Variants in ZSCAN5A observed in about 807,000 individuals in gnomAD.
ZSCAN5A encodes zinc finger and SCAN domain-containing protein 5A.
Under a neutral mutation model 23.7 loss-of-function variants are expected in ZSCAN5A, and 12 were observed. That is an observed-to-expected ratio of 0.51 (90% confidence interval 0.32 to 0.82). The LOEUF is 0.82. Among genes scored for constraint, ZSCAN5A ranks in the 40% least tolerant of loss-of-function variants. The pLI is 0.03. For synonymous variants in ZSCAN5A, 257 were observed against 239.9 expected (o/e 1.07, Z -0.66); for missense variants, 597 against 617.9 (o/e 0.97, Z 0.36).
chr19:56,358,082 CACCCA>C (rs745316783), intron 2 of ZSCAN5A, among the ~76,000 whole-genome samples: 4 of 148,830 alleles, frequency 2.7e-5, no homozygotes, highest in Non-Finnish European at 4.5e-5. Flanking sequence ...AATATATATT[CACCCA>C]ATACAGGAGC....
Position 56,309,221 on chromosome 19 carries a change from G to A in ZSCAN5A, c.-128+4062C>T, listed in dbSNP as rs118037419. 4.1e-4 allele frequency among the ~76,000 whole-genome samples: 63 copies of A among 152,328 alleles called. No homozygotes were observed. In the East Asian group the frequency reaches 0.01, roughly 25 times the overall value. On this transcript the variant is annotated intron_variant, in intron 2 of 5. Transcript: ENST00000683990. ...CACAAAAGATCACACAGTAGATGAT[G>A]CCATGTATATGAAACAGACAGATCT...
intron 2 of ZSCAN5A, among the ~76,000 whole-genome samples, chr19:56,248,399 T>C (rs2036106857): frequency 6.6e-6 from 1 of 152,094 alleles, no homozygotes; most frequent in African/African-American, 2.4e-5. Context: ...TAGCTGGGAC[T>C]AGAACACACC....
chr19:56,327,839 G>C (rs551518180), intron 2 of ZSCAN5A, among the ~76,000 whole-genome samples: 1 of 151,948 alleles, frequency 6.6e-6, no homozygotes, highest in African/African-American at 2.4e-5. Context: ...GCATAGTTGT[G>C]TGTTATATGT....
At chr19:56,327,062 T>A (rs1204572648) in intron 2 of ZSCAN5A, among the ~76,000 whole-genome samples, 1 of 96,344 alleles carries the variant, frequency 1.0e-5, no homozygotes, top group African/African-American at 6.1e-5. Flanking sequence ...GCTACAGTGA[T>A]TTTTTTTTTT....
At chr19:56,295,088 T>A (rs1374130066) in intron 2 of ZSCAN5A, 2 of 152,166 alleles carry the variant, frequency 1.3e-5, no homozygotes, top group African/African-American at 2.4e-5. Flanking sequence ...GTTCTAAAAT[T>A]GTTTGTGGTG....
intron 2 of ZSCAN5A, among the ~76,000 whole-genome samples, chr19:56,285,946 A>C (rs1568696594): frequency 6.6e-6 from 1 of 152,230 alleles, no homozygotes; most frequent in Non-Finnish European, 1.5e-5. Flanking sequence ...GATGTTTAAC[A>C]AATTTGCATC....
chr19:56,324,179 G>A (rs2041411345), intron 2 of ZSCAN5A, among the ~76,000 whole-genome samples: 1 of 151,998 alleles, frequency 6.6e-6, no homozygotes, highest in South Asian at 2.1e-4. Context: ...CTAATTCCAT[G>A]AGATCCATGT....
At chr19:56,254,059 CTTTT>C (rs11425014) in intron 2 of ZSCAN5A, among the ~76,000 whole-genome samples, 1 of 143,350 alleles carries the variant, frequency 7.0e-6, no homozygotes, top group South Asian at 2.2e-4. Context: ...GAATGAGCAT[CTTTT>C]TTTTTTTTTT....
intron 2 of ZSCAN5A, among the ~76,000 whole-genome samples, chr19:56,251,145 G>A (rs1029557918): frequency 7.0e-5 from 9 of 127,984 alleles, no homozygotes; most frequent in Non-Finnish European, 1.7e-5. Context: ...GCTAGACTCC[G>A]TGTAAAAAAA....
intron 2 of ZSCAN5A, chr19:56,247,626 T>G (rs890778672): frequency 1.3e-5 from 2 of 154,698 alleles, no homozygotes; most frequent in Non-Finnish European, 2.9e-5. Context: ...CCACAGAGCT[T>G]TATTTTCTGT....
Position 56,352,792 on chromosome 19 carries a change from G to T in ZSCAN5A, c.-358+10443C>A, listed in dbSNP as rs753951028. Among the ~76,000 whole-genome samples the T allele has an allele frequency of 2.0e-5, 3 of 152,094 alleles. No homozygotes were observed. The highest frequency in any genetic ancestry group is 4.4e-5 in the Non-Finnish European group (3 of 68,022). ...ATTCTCATTACCCTTGTTGAAACTG[G>T]GTGCAACACAGTTTCAACACAGATG... On this transcript the variant is annotated intron_variant, in intron 2 of 6. Coordinates refer to the ZSCAN5A transcript ENST00000587340. The surrounding 1 kb of genome is among the most constrained non-coding windows in gnomAD (Gnocchi z 4.2).
Position 56,233,681 on chromosome 19 carries a change from C to T in ZSCAN5A, c.-127-8508G>A, listed in dbSNP as rs142075867. ...CTTAAAAAAAAATACTACTGTTCAC[C>T]CCAGACTTTCTTTTGATACACTAAG... On this transcript the variant is annotated intron_variant, in intron 2 of 5. Transcript: ENST00000683990. Among the ~76,000 whole-genome samples, 831 of 151,512 alleles carry T rather than the reference C, an allele frequency of 5.5e-3. 4 individuals are homozygous for T. Among genetic ancestry groups the T allele is most frequent in the Middle Eastern group, 0.034 (10 of 292 alleles).
In ZSCAN5A at chr19:56,338,901, G is replaced by A. The variant is rs183282995; in HGVS notation, c.-357-22633C>T. Among the ~76,000 whole-genome samples, 361 of 152,330 alleles carry A rather than the reference G, an allele frequency of 2.4e-3. 1 individual carries two copies. The highest frequency in any genetic ancestry group is 0.014 in the Middle Eastern group (4 of 294). On this transcript the variant is annotated intron_variant, in intron 2 of 6. Coordinates refer to the ZSCAN5A transcript ENST00000587340. ...CAGCCACTGTGAACTGAACTGAAAAGGTGGCCTGTTCCCAGGGTTCAAAGC... is the reference window on the plus strand; with the variant it reads ...CAGCCACTGTGAACTGAACTGAAAAAGTGGCCTGTTCCCAGGGTTCAAAGC...
chr19:56,298,890 G>A (rs2040052237), intron 2 of ZSCAN5A, among the ~76,000 whole-genome samples: 1 of 152,072 alleles, frequency 6.6e-6, no homozygotes, highest in Non-Finnish European at 1.5e-5. Flanking sequence ...TACGACAAAG[G>A]AAAATTTCAG....
Position 56,222,067 on chromosome 19 carries a change from A to T in ZSCAN5A, c.999T>A (p.Ile333=), listed in dbSNP as rs1328165333. ...ESPGQAGMNS[I]HSPGPASPVS... ...CTGGGCTCGCAGGGCCTGGGGAATG[A>T]ATTGAATTCATCCCAGCTTGTCCCG... Residue 333 remains isoleucine, a synonymous_variant, in exon 6 of 6, where the codon ATT becomes ATA. Coordinates refer to ENST00000683990, the MANE Select transcript of ZSCAN5A (RefSeq NM_001322064.3). The T allele has an allele frequency of 6.8e-6, 11 of 1,613,998 alleles. No homozygotes were observed. Among genetic ancestry groups the T allele is most frequent in the Non-Finnish European group, 9.3e-6 (11 of 1,180,026 alleles).
intron 2 of ZSCAN5A, among the ~76,000 whole-genome samples, chr19:56,330,374 A>G (rs947226795): frequency 1.3e-5 from 2 of 152,182 alleles, no homozygotes; most frequent in African/African-American, 4.8e-5. Flanking sequence ...GGGTCAAAGG[A>G]TAGTTCTGTT....
At chr19:56,284,753 A>T (rs2038977187) in intron 2 of ZSCAN5A, among the ~76,000 whole-genome samples, 1 of 151,956 alleles carries the variant, frequency 6.6e-6, no homozygotes, top group African/African-American at 2.4e-5. Flanking sequence ...ACCTCAGGTG[A>T]TCCACCCACC....
chr19:56,231,399 C>CA (rs1438982648), intron 2 of ZSCAN5A, among the ~76,000 whole-genome samples: 1 of 152,024 alleles, frequency 6.6e-6, no homozygotes, highest in Non-Finnish European at 1.5e-5. Context: ...ATAATAATGA[C>CA]AAAAAGAAAA....
chr19:56,259,693 A>G (rs1462746219), intron 2 of ZSCAN5A, among the ~76,000 whole-genome samples: 2 of 152,214 alleles, frequency 1.3e-5, no homozygotes, highest in Admixed American at 1.3e-4. Flanking sequence ...GAAAAAGTTG[A>G]CCGGGCACGG....
Sources: gnomAD v4.1 joint callset for allele counts (sites outside exome capture counted in the v4.1 genomes callset) on GRCh38, gnomAD v4.1.1 for gene constraint, Gnocchi (gnomAD v3.1) non-coding constraint, MANE v1.5 for transcripts, NCBI Gene and HGNC (gene_info 2026-07-23, HGNC 2026-07-21) for gene names.